The following TACR3 variants were observed in gnomAD, a reference collection of about 807,000 sequenced individuals.
TACR3 encodes the protein neuromedin-K receptor.
TACR3 carries 34 observed loss-of-function variants against 35.0 expected under a neutral mutation model. The ratio of observed to expected loss-of-function variants is 0.97; its 90% CI spans 0.74 to 1.30. The LOEUF is 1.30. TACR3 is among the 50% of genes most tolerant of loss of function. TACR3 has a pLI of 0.00. For missense variants in TACR3, 558 were observed against 591.7 expected (o/e 0.94, Z 0.59); for synonymous variants, 233 against 221.1 (o/e 1.05, Z -0.48).
intron 3 of TACR3, among the ~76,000 whole-genome samples, chr4:103,653,476 G>A (rs756082091): frequency 6.6e-6 from 1 of 151,796 alleles, no homozygotes; most frequent in Non-Finnish European, 1.5e-5. Flanking sequence ...TTGTTTAGGC[G>A]TACACAGTGA....
chr4:103,697,225 T>C (rs1489992449), intron 1 of TACR3, among the ~76,000 whole-genome samples: 1 of 152,166 alleles, frequency 6.6e-6, no homozygotes, highest in African/African-American at 2.4e-5. Flanking sequence ...GGAATGTGAT[T>C]GCTCATTGAT....
At chr4:103,643,422 TAA>T (rs34644182) in intron 3 of TACR3, among the ~76,000 whole-genome samples, 1 of 132,820 alleles carries the variant, frequency 7.5e-6, no homozygotes, top group African/African-American at 3.4e-5. Flanking sequence ...AGACATTGTC[TAA>T]AAAAAAGAGA....
chr4:103,657,041 A>G (rs1725747404), intron 2 of TACR3, among the ~76,000 whole-genome samples: 1 of 152,114 alleles, frequency 6.6e-6, no homozygotes, highest in Non-Finnish European at 1.5e-5. Context: ...AAATTCTGGT[A>G]TTTAGTAGCT....
chr4:103,633,723 T>C (rs1725119233), intron 3 of TACR3, among the ~76,000 whole-genome samples: 1 of 152,112 alleles, frequency 6.6e-6, no homozygotes, highest in Non-Finnish European at 1.5e-5. Context: ...ATCCAGGTCA[T>C]TGCAATTTAA....
At chr4:103,602,805 G>A (rs1724241171) in intron 3 of TACR3, among the ~76,000 whole-genome samples, 1 of 152,200 alleles carries the variant, frequency 6.6e-6, no homozygotes, top group Non-Finnish European at 1.5e-5. Flanking sequence ...CCCTACTGGA[G>A]GGTGCCTCCC....
Position 103,587,270 on chromosome 4 carries a change from T to C in TACR3, c.*2412A>G, listed in dbSNP as rs1464528592. The C allele has an allele frequency of 1.3e-5, 2 of 151,552 alleles. No homozygotes were observed. Among genetic ancestry groups the C allele is most frequent in the Admixed American group, 1.3e-4 (2 of 15,170 alleles). The allele number at this position is 151,552 out of a possible 1,614,324, so 9.4% of individuals were successfully genotyped here. On this transcript the variant is annotated 3_prime_UTR_variant, in exon 5 of 5. Coordinates refer to ENST00000304883, the MANE Select transcript of TACR3 (RefSeq NM_001059.3). ...TTTATATTTCACTCTTGTTTTATTATTGTCGTTTAAATTTTTGAACTTAAA... is the reference window on the plus strand; with the variant it reads ...TTTATATTTCACTCTTGTTTTATTACTGTCGTTTAAATTTTTGAACTTAAA...
At chr4:103,676,499 A>T (rs1726172163) in intron 1 of TACR3, among the ~76,000 whole-genome samples, 1 of 152,154 alleles carries the variant, frequency 6.6e-6, no homozygotes, top group Non-Finnish European at 1.5e-5. Flanking sequence ...AGATGCAGAC[A>T]AAGACAAACA....
chr4:103,623,605 G>A (rs1235740842), intron 3 of TACR3, among the ~76,000 whole-genome samples: 3 of 151,978 alleles, frequency 2.0e-5, no homozygotes, highest in Non-Finnish European at 4.4e-5. Flanking sequence ...TGAATCACTT[G>A]CCCAAGACTG....
chr4:103,705,885 C>A (rs1210161249), intron 1 of TACR3, among the ~76,000 whole-genome samples: 3 of 152,066 alleles, frequency 2.0e-5, no homozygotes, highest in Admixed American at 2.0e-4. Flanking sequence ...GAATATTATT[C>A]TTCTCATAAG....
chr4:103,616,468 C>T (rs1724664403), intron 3 of TACR3, among the ~76,000 whole-genome samples: 1 of 151,998 alleles, frequency 6.6e-6, no homozygotes, highest in South Asian at 2.1e-4. Flanking sequence ...TATATGTATG[C>T]ATGTATTTGT....
intron 3 of TACR3, among the ~76,000 whole-genome samples, chr4:103,648,080 G>A (rs147720353): frequency 6.6e-6 from 1 of 151,994 alleles, no homozygotes; most frequent in Admixed American, 6.6e-5. Context: ...TCTTCTGCTC[G>A]TGACTAGCCT....
At chr4:103,636,872 C>T (rs1156617858) in intron 3 of TACR3, among the ~76,000 whole-genome samples, 1 of 152,092 alleles carries the variant, frequency 6.6e-6, no homozygotes, top group Non-Finnish European at 1.5e-5. Context: ...CATACATCCT[C>T]CCAATACTAA....
intron 1 of TACR3, among the ~76,000 whole-genome samples, chr4:103,715,796 C>T (rs1723076890): frequency 6.6e-6 from 1 of 151,780 alleles, no homozygotes; most frequent in South Asian, 2.1e-4. Flanking sequence ...TACTATATGC[C>T]GTAAATGAAT....
chr4:103,684,077 A>T (rs1201156765), intron 1 of TACR3, among the ~76,000 whole-genome samples: 2 of 152,160 alleles, frequency 1.3e-5, no homozygotes, highest in African/African-American at 4.8e-5. Flanking sequence ...ACAATGTCCT[A>T]AATCTGATAC....
chr4:103,597,273 G>C (rs1578218277), intron 3 of TACR3, among the ~76,000 whole-genome samples: 1 of 151,760 alleles, frequency 6.6e-6, no homozygotes, highest in East Asian at 1.9e-4. Context: ...GTTGTTTCCT[G>C]ACTTTTTAAA....
chr4:103,599,224 T>A (rs1471184318), intron 3 of TACR3, among the ~76,000 whole-genome samples: 2 of 152,140 alleles, frequency 1.3e-5, no homozygotes, highest in Non-Finnish European at 2.9e-5. Flanking sequence ...CAATTGTGAA[T>A]GGGAGTTCAC....
intron 1 of TACR3, among the ~76,000 whole-genome samples, chr4:103,718,561 T>C (rs1182091191): frequency 6.6e-6 from 1 of 152,206 alleles, no homozygotes; most frequent in African/African-American, 2.4e-5. Context: ...CAGTAGTTTT[T>C]TGGAGAGTGT....
Position 103,589,874 on chromosome 4 carries a change from G to A in TACR3, c.1206C>T (p.Thr402=), listed in dbSNP as rs201120800. ...CTGTCATGGACTCCATTCTGGTCAC[G>A]GTGTACATACTGCTTTGCCGGTTTG... The part of the protein sequence containing the change: ...FHPNRQSSMY[T]VTRMESMTVV... The change falls in exon 5 of 5, where the codon ACC becomes ACT. Residue 402 remains threonine (T), a synonymous_variant. Transcript: ENST00000304883. 115 of 1,613,896 alleles carry A rather than the reference G, an allele frequency of 7.1e-5. No homozygotes were observed. The highest frequency in any genetic ancestry group is 2.0e-4 in the South Asian group (18 of 91,074).
chr4:103,617,007 C>T (rs1052898407), intron 3 of TACR3, among the ~76,000 whole-genome samples: 2 of 151,978 alleles, frequency 1.3e-5, no homozygotes, highest in African/African-American at 2.4e-5. Flanking sequence ...CTGAGATGAC[C>T]CACCAGTAAT....
Sources: allele counts gnomAD v4.1 joint callset (sites outside exome capture counted in the v4.1 genomes callset), GRCh38; gene constraint gnomAD v4.1.1; transcripts MANE v1.5; gene names NCBI Gene and HGNC (gene_info 2026-07-23, HGNC 2026-07-21).